The following ALK variants were observed in gnomAD, a reference collection of about 807,000 sequenced individuals.
ALK encodes the protein ALK tyrosine kinase receptor.
A neutral mutation model predicts 163.1 loss-of-function variants in ALK; 74 were observed. The ratio of observed to expected loss-of-function variants is 0.45; its 90% CI spans 0.38 to 0.55. The LOEUF is 0.55. Ranked by LOEUF, ALK falls within the 20% of genes least tolerant of loss-of-function variation. The probability of loss-of-function intolerance (pLI) is 0.00; values close to 1 mark genes in which losing one functional copy is unlikely to be tolerated. For synonymous variants in ALK, 960 were observed against 843.2 expected, an observed-to-expected ratio of 1.14 and a Z score of -2.40; for missense variants, 2,063 against 2,105.3, an observed-to-expected ratio of 0.98 and a Z score of 0.39.
intron 4 of ALK, among the ~76,000 whole-genome samples, chr2:29,422,258 C>G (rs1314873234): frequency 6.6e-6 from 1 of 151,486 alleles, no homozygotes; most frequent in Non-Finnish European, 1.5e-5. Context: ...CCAGCAAAAT[C>G]AAGTGAGTTC....
At chr2:29,812,144 C>G (rs1445219932) in intron 1 of ALK, among the ~76,000 whole-genome samples, 1 of 152,158 alleles carries the variant, frequency 6.6e-6, no homozygotes, top group Non-Finnish European at 1.5e-5. Flanking sequence ...CTGGTCCATA[C>G]TCACCCATAT....
chr2:29,373,734 C>T (rs1350300351), intron 5 of ALK, among the ~76,000 whole-genome samples: 1 of 152,226 alleles, frequency 6.6e-6, no homozygotes, highest in Non-Finnish European at 1.5e-5. Context: ...CAGCGAATTT[C>T]CTTCCTGGTT....
intron 13 of ALK, among the ~76,000 whole-genome samples, chr2:29,235,835 G>A (rs1337733976): frequency 7.3e-6 from 1 of 136,726 alleles, no homozygotes; most frequent in Non-Finnish European, 1.5e-5. Context: ...TGGGACTACA[G>A]GCACAAGCTA....
chr2:29,522,989 T>C (rs983302725), intron 4 of ALK, among the ~76,000 whole-genome samples: 2 of 152,160 alleles, frequency 1.3e-5, no homozygotes, highest in Non-Finnish European at 2.9e-5. Flanking sequence ...GTGGTGATTG[T>C]GGGGCTTAGG....
intron 4 of ALK, among the ~76,000 whole-genome samples, chr2:29,390,001 C>G (rs866709990): frequency 6.6e-6 from 1 of 152,176 alleles, no homozygotes; most frequent in South Asian, 2.1e-4. Context: ...TGAATACTAC[C>G]TACAGCAGCA....
intron 3 of ALK, among the ~76,000 whole-genome samples, chr2:29,555,294 G>A (rs561641141): frequency 1.3e-5 from 2 of 152,138 alleles, no homozygotes; most frequent in Non-Finnish European, 2.9e-5. Context: ...CTGAGGCTGA[G>A]GGTCAGTGGC....
chr2:29,240,890 G>A (rs750693891), intron 12 of ALK, among the ~76,000 whole-genome samples: 72 of 152,236 alleles, frequency 4.7e-4, no homozygotes, highest in Non-Finnish European at 9.3e-4. Flanking sequence ...CAAAAAACCA[G>A]GAAGAGATGC....
intron 18 of ALK, among the ~76,000 whole-genome samples, chr2:29,226,212 C>G (rs1395122376): frequency 6.6e-6 from 1 of 151,938 alleles, no homozygotes; most frequent in African/African-American, 2.4e-5. Flanking sequence ...GGTGCGGTGG[C>G]TCACACCTGT....
intron 3 of ALK, among the ~76,000 whole-genome samples, chr2:29,570,142 T>G (rs66946837): frequency 0.12 from 17,929 of 152,256 alleles, 1,396 homozygotes; most frequent in Non-Finnish European, 0.18. Context: ...TTATTTCTCA[T>G]TAGACTCTCT....
chr2:29,802,571 GGGGAGGGGAGGGGAA>G (rs1664510473), intron 1 of ALK, among the ~76,000 whole-genome samples: 1 of 52,078 alleles, frequency 1.9e-5, no homozygotes, highest in Non-Finnish European at 4.6e-5. Context: ...GGGGAGGGGA[GGGGAGGGGAGGGGAA>G]GAGAGGGGAG....
At position 29,920,207 on chromosome 2, in the gene ALK, C is replaced by T. The variant is rs1301695086; in HGVS notation, c.453G>A (p.Leu151=). ...LVLELGEEAI[L]EGCVGPPGEA... ...CCCCGGGGGGCCCGACGCAACCCTC[C>T]AAGATCGCCTCCTCGCCCAGCTCCA... Residue 151 remains leucine, a synonymous_variant, in exon 1 of 29, where the codon TTG becomes TTA. Transcript: ENST00000389048. 6.2e-7 allele frequency: 1 copy of T among 1,613,248 alleles called. No homozygotes were observed. The highest frequency in any genetic ancestry group is 1.3e-5 in the African/African-American group (1 of 74,958).
At chr2:29,654,708 T>C (rs1468728561) in intron 3 of ALK, among the ~76,000 whole-genome samples, 1 of 152,162 alleles carries the variant, frequency 6.6e-6, no homozygotes, top group African/African-American at 2.4e-5. Flanking sequence ...AAGATGTTAT[T>C]TCCATATTCT....
intron 5 of ALK, among the ~76,000 whole-genome samples, chr2:29,370,226 C>A (rs567390660): frequency 9.9e-5 from 15 of 152,212 alleles, no homozygotes; most frequent in Non-Finnish European, 1.6e-4. Context: ...AGGACAGAGG[C>A]TTTGAGCTAT....
chr2:29,432,400 G>A (rs1670293321), intron 4 of ALK, among the ~76,000 whole-genome samples: 1 of 152,118 alleles, frequency 6.6e-6, no homozygotes, highest in Non-Finnish European at 1.5e-5. Flanking sequence ...TGCTATGACT[G>A]TAAGCTTCCT....
At chr2:29,419,914 T>G (rs1669974831) in intron 4 of ALK, among the ~76,000 whole-genome samples, 1 of 151,332 alleles carries the variant, frequency 6.6e-6, no homozygotes, top group Non-Finnish European at 1.5e-5. Flanking sequence ...AACCTAGCGC[T>G]TTGGGAGGCC....
rs1371510631 is a variant in ALK at position 29,570,380 on chromosome 2, C to G, written c.953-38264G>C. On this transcript the variant is annotated intron_variant, in intron 3 of 28. Transcript: ENST00000389048. ...TATGAAGTTGGCTTAATTTTTAGGG[C>G]CTGTTTTCCAAGGAAGCTTGGCAGG... 1.3e-5 allele frequency among the ~76,000 whole-genome samples: 2 copies of G among 152,142 alleles called. 1 individual carries two copies. The highest frequency in any genetic ancestry group is 4.8e-5 in the African/African-American group (2 of 41,442).
chr2:29,920,672 G>T lies in ALK; in HGVS notation c.-13C>A. ...CGATGGCTCCCATCCCGCCGGAGGA[G>T]GCCGTTTACACTGCTCTCCGGGCCC... On this transcript the variant is annotated 5_prime_UTR_variant, in exon 1 of 29. Transcript: ENST00000389048. 2 of 1,533,686 alleles carry T rather than the reference G, an allele frequency of 1.3e-6. No individual in the cohort carries two copies. Among genetic ancestry groups the T allele is most frequent in the Non-Finnish European group, 1.7e-6 (2 of 1,146,646 alleles).
chr2:29,423,341 C>T (rs1233403967), intron 4 of ALK, among the ~76,000 whole-genome samples: 1 of 152,172 alleles, frequency 6.6e-6, no homozygotes, highest in East Asian at 1.9e-4. Context: ...ATTGAAACCC[C>T]AAAGCCCTTG....
chr2:29,526,415 CT>C (rs1396380214), intron 4 of ALK, among the ~76,000 whole-genome samples: 16 of 152,344 alleles, frequency 1.1e-4, no homozygotes, highest in African/African-American at 3.8e-4. Flanking sequence ...AAATATCCCC[CT>C]GACAAGCCTG....
Sources: gnomAD v4.1 joint callset for allele counts (sites outside exome capture counted in the v4.1 genomes callset) on GRCh38, gnomAD v4.1.1 for gene constraint, MANE v1.5 for transcripts, NCBI Gene and HGNC (gene_info 2026-07-23, HGNC 2026-07-21) for gene names.